FRAS1: variants seen among roughly 807,000 people sequenced by gnomAD.
The protein encoded by FRAS1 is Fraser extracellular matrix complex subunit 1, also known as extracellular matrix organizing protein FRAS1.
FRAS1 carries 290 observed loss-of-function variants against 435.2 expected under a neutral mutation model. The observed-to-expected ratio is 0.67, with a 90% CI of 0.61 to 0.73. The LOEUF is 0.73. Ranked by LOEUF, FRAS1 falls within the 30% of genes least tolerant of loss-of-function variation. FRAS1 has a pLI of 0.00. For synonymous variants in FRAS1, 1,800 were observed against 1,851.0 expected (o/e 0.97, Z 0.71); for missense variants, 4,860 against 5,001.5 (o/e 0.97, Z 0.85).
At chr4:78,159,806 G>A (rs1246684602) in intron 2 of FRAS1, among the ~76,000 whole-genome samples, 1 of 152,090 alleles carries the variant, frequency 6.6e-6, no homozygotes, top group African/African-American at 2.4e-5. Flanking sequence ...ACTTGAACCC[G>A]GGAGGCAGAG....
In FRAS1 at chr4:78,496,954, T is replaced by C. The variant is rs773750321; in HGVS notation, c.9108T>C (p.Asp3036=). The change falls in exon 60 of 74, where the codon GAT becomes GAC. Residue 3036 remains aspartate (D), a synonymous_variant. Coordinates refer to ENST00000512123, the MANE Select transcript of FRAS1 (RefSeq NM_025074.7). ...NNMATITISN[D]EDAPTIEFEE... is the part of the protein sequence containing the mutation. ...TGGCCACCATCACCATATCCAATGA[T>C]GAAGATGGTAACAGAAGAAATTATC... The C allele has an allele frequency of 2.5e-6, 4 of 1,612,754 alleles. No individual in the cohort carries two copies. Among genetic ancestry groups the C allele is most frequent in the Non-Finnish European group, 3.4e-6 (4 of 1,179,050 alleles).
intron 31 of FRAS1, among the ~76,000 whole-genome samples, chr4:78,410,799 AT>A (rs1227342560): frequency 6.6e-6 from 1 of 152,206 alleles, no homozygotes; most frequent in Non-Finnish European, 1.5e-5. Flanking sequence ...CCAAAAATGC[AT>A]TTTGAACACT....
chr4:78,240,707 A>G, intron 3 of FRAS1, among the ~76,000 whole-genome samples: 2 of 152,334 alleles, frequency 1.3e-5, no homozygotes, highest in Middle Eastern at 3.4e-3. Flanking sequence ...CGTATTGCAA[A>G]CATGTAGAAT....
chr4:78,524,097 A>G (rs1721464640), intron 69 of FRAS1, among the ~76,000 whole-genome samples: 1 of 151,966 alleles, frequency 6.6e-6, no homozygotes. Flanking sequence ...CCTGGTTCCT[A>G]CTCTGTTCCA....
At chr4:78,333,178 C>T (rs1730011703) in intron 18 of FRAS1, 94 bp from the exon 19 acceptor site, 1 of 1,423,586 alleles carries the variant, frequency 7.0e-7, no homozygotes, top group Non-Finnish European at 9.4e-7. Context: ...ACAGAACATA[C>T]TCTGACCCAG....
intron 2 of FRAS1, among the ~76,000 whole-genome samples, chr4:78,129,750 C>T (rs1719590013): frequency 1.3e-5 from 2 of 152,136 alleles, no homozygotes; most frequent in South Asian, 4.2e-4. Flanking sequence ...CCTTCTCCTG[C>T]CTAAAACTCT....
intron 2 of FRAS1, among the ~76,000 whole-genome samples, chr4:78,137,994 G>T (rs1209588072): frequency 2.0e-5 from 3 of 152,242 alleles, no homozygotes; most frequent in African/African-American, 7.2e-5. Context: ...ATAGGTTCAT[G>T]TTATTAGTGG....
intron 64 of FRAS1, among the ~76,000 whole-genome samples, chr4:78,513,025 G>T (rs188075651): frequency 1.6e-4 from 25 of 152,310 alleles, no homozygotes; most frequent in African/African-American, 5.8e-4. Context: ...CTGTGACAGA[G>T]CAGGGGAACA....
intron 31 of FRAS1, among the ~76,000 whole-genome samples, chr4:78,411,737 T>C (rs997589790): frequency 1.3e-5 from 2 of 152,160 alleles, no homozygotes; most frequent in Non-Finnish European, 2.9e-5. Context: ...ACCTATTCAA[T>C]GTTTGGTTCT....
At chr4:78,123,437 C>T (rs1371658794) in intron 2 of FRAS1, among the ~76,000 whole-genome samples, 3 of 151,952 alleles carry the variant, frequency 2.0e-5, no homozygotes, top group African/African-American at 7.3e-5. Context: ...TTCTTCTTGC[C>T]CAGGATTGTC....
chr4:78,537,286 G>A, intron 72 of FRAS1, 86 bp downstream of exon 72: 5 of 1,222,360 alleles, frequency 4.1e-6, no homozygotes, highest in Non-Finnish European at 4.6e-6. Flanking sequence ...AGTAGATAGA[G>A]CTCACTCTTG....
intron 47 of FRAS1, among the ~76,000 whole-genome samples, chr4:78,460,416 C>G (rs1009137055): frequency 6.6e-6 from 1 of 152,224 alleles, no homozygotes; most frequent in Non-Finnish European, 1.5e-5. Context: ...TAGCAACTAC[C>G]TGCTGTGACA....
chr4:78,180,746 G>C (rs765014570), intron 2 of FRAS1: 14 of 816,126 alleles, frequency 1.7e-5, no homozygotes, highest in Non-Finnish European at 2.7e-5. Flanking sequence ...GTCTTTAGGT[G>C]TGAATGGTAT....
chr4:78,090,864 A>G (rs1480413681), intron 2 of FRAS1, among the ~76,000 whole-genome samples: 1 of 152,188 alleles, frequency 6.6e-6, no homozygotes, highest in Non-Finnish European at 1.5e-5. Flanking sequence ...TTCTAAGAGG[A>G]GCATAATTCT....
chr4:78,520,487 G>A (rs1721353239), intron 67 of FRAS1, among the ~76,000 whole-genome samples: 1 of 152,048 alleles, frequency 6.6e-6, no homozygotes, highest in African/African-American at 2.4e-5. Flanking sequence ...ATCTATTAGT[G>A]TTTGGTTCCA....
chr4:78,132,183 C>G (rs181776865), intron 2 of FRAS1, among the ~76,000 whole-genome samples: 2 of 152,076 alleles, frequency 1.3e-5, no homozygotes, highest in East Asian at 1.9e-4. Context: ...TAAACCAGGG[C>G]CCCCCTGCAG....
At chr4:78,193,958 G>A (rs1722674509) in intron 2 of FRAS1, among the ~76,000 whole-genome samples, 1 of 152,168 alleles carries the variant, frequency 6.6e-6, no homozygotes, top group Non-Finnish European at 1.5e-5. Flanking sequence ...CTCCTTTAGG[G>A]CAGGCCTGGT....
At chr4:78,228,245 G>C (rs1203762578) in intron 2 of FRAS1, among the ~76,000 whole-genome samples, 2 of 152,118 alleles carry the variant, frequency 1.3e-5, no homozygotes, top group African/African-American at 4.8e-5. Flanking sequence ...GAGAAAGAAA[G>C]AAATTATAAG....
chr4:78,217,792 C>A (rs1723833525), intron 2 of FRAS1, among the ~76,000 whole-genome samples: 1 of 142,800 alleles, frequency 7.0e-6, no homozygotes. Context: ...ATATCTCCCC[C>A]TCCCTTCTCT....
Sources: allele counts gnomAD v4.1 joint callset (sites outside exome capture counted in the v4.1 genomes callset), GRCh38; gene constraint gnomAD v4.1.1; transcripts MANE v1.5; gene names NCBI Gene and HGNC (gene_info 2026-07-23, HGNC 2026-07-21).